The following CNTNAP2 variants were observed in gnomAD, a reference collection of about 807,000 sequenced individuals.
The protein encoded by CNTNAP2 is contactin-associated protein-like 2.
In CNTNAP2, 98 loss-of-function variants were observed where a neutral mutation model predicts 155.2. That is an observed-to-expected ratio of 0.63 (90% CI 0.54 to 0.75). CNTNAP2 has a LOEUF of 0.75. Among genes scored for constraint, CNTNAP2 ranks in the 30% least tolerant of loss-of-function variants. The pLI, the probability that CNTNAP2 is intolerant of heterozygous loss-of-function variation, is 0.00. For synonymous variants in CNTNAP2, 651 were observed against 631.2 expected, an observed-to-expected ratio of 1.03 and a Z score of -0.47; for missense variants, 1,727 against 1,688.1, an observed-to-expected ratio of 1.02 and a Z score of -0.40.
intron 1 of CNTNAP2, among the ~76,000 whole-genome samples, chr7:146,612,382 G>A (rs768502565): frequency 6.6e-6 from 1 of 152,052 alleles, no homozygotes; most frequent in Non-Finnish European, 1.5e-5. Context: ...TAAAAAGCTA[G>A]CATTTCAAGA....
At chr7:148,291,298 A>ATAT (rs1563028090) in intron 21 of CNTNAP2, among the ~76,000 whole-genome samples, 1 of 131,348 alleles carries the variant, frequency 7.6e-6, no homozygotes. Flanking sequence ...ATATATATAT[A>ATAT]ATATATATAT....
intron 20 of CNTNAP2, among the ~76,000 whole-genome samples, chr7:148,263,736 CAAA>C (rs112362809): frequency 2.8e-5 from 3 of 108,192 alleles, no homozygotes; most frequent in African/African-American, 3.1e-5. Context: ...GACTCAGTCC[CAAA>C]AAAAAAAAAA....
intron 13 of CNTNAP2, among the ~76,000 whole-genome samples, chr7:147,804,908 C>T (rs1798065896): frequency 6.6e-6 from 1 of 152,030 alleles, no homozygotes; most frequent in Admixed American, 6.6e-5. Context: ...CCACAGTTGC[C>T]TTTTTCTCTG....
Position 146,839,744 on chromosome 7 carries a change from A to G in CNTNAP2, c.242A>G (p.His81Arg). Residue 81 changes from histidine (H) to arginine (R), a missense_variant, in exon 3 of 24, where the codon CAT becomes CGT. By Grantham distance (29) the His-to-Arg change is conservative. Coordinates refer to ENST00000361727, the MANE Select transcript of CNTNAP2 (RefSeq NM_014141.6). ...GGATGGTCTCCATCAGACAGCGACC[A>G]TTATCAATGGCTTCAGGTTGACTTT... is the stretch of plus-strand genomic sequence containing the variant. ...AGGWSPSDSDHYQWLQVDFGN... is the reference protein window; with the variant it reads ...AGGWSPSDSDRYQWLQVDFGN... 4 of 1,614,226 alleles carry G rather than the reference A, an allele frequency of 2.5e-6. No homozygotes were observed. Among genetic ancestry groups the G allele is most frequent in the Non-Finnish European group, 3.4e-6 (4 of 1,180,038 alleles).
chr7:147,093,142 G>T (rs1800449150), intron 4 of CNTNAP2, among the ~76,000 whole-genome samples: 1 of 150,750 alleles, frequency 6.6e-6, no homozygotes. Context: ...TCAGGAGGCT[G>T]AGGCAGGAGA....
intron 22 of CNTNAP2, among the ~76,000 whole-genome samples, chr7:148,401,204 C>T (rs1296849691): frequency 4.6e-5 from 7 of 152,154 alleles, no homozygotes; most frequent in Admixed American, 4.6e-4. Context: ...ACCCTGAGAA[C>T]TACAGTAAGA....
chr7:146,192,216 C>T (rs556464719), intron 1 of CNTNAP2, among the ~76,000 whole-genome samples: 10 of 152,104 alleles, frequency 6.6e-5, no homozygotes, highest in Non-Finnish European at 1.5e-4. Flanking sequence ...TTATTTAGTA[C>T]GTTTAAAATA....
chr7:146,605,141 T>G (rs1478652807), intron 1 of CNTNAP2, among the ~76,000 whole-genome samples: 1 of 151,064 alleles, frequency 6.6e-6, no homozygotes. Flanking sequence ...TTACACTGTT[T>G]TTTAATAATT....
At chr7:147,186,371 A>C (rs1225917442) in intron 8 of CNTNAP2, among the ~76,000 whole-genome samples, 1 of 152,150 alleles carries the variant, frequency 6.6e-6, no homozygotes, top group Non-Finnish European at 1.5e-5. Context: ...GCCTCATATA[A>C]ATTATCTCAT....
chr7:147,816,636 G>GA (rs1204258545), intron 13 of CNTNAP2, among the ~76,000 whole-genome samples: 1 of 152,010 alleles, frequency 6.6e-6, no homozygotes, highest in East Asian at 1.9e-4. Context: ...TACTTGCTCT[G>GA]AAAATTGATA....
chr7:146,970,299 A>C (rs866930047), intron 3 of CNTNAP2, among the ~76,000 whole-genome samples: 3 of 152,052 alleles, frequency 2.0e-5, no homozygotes, highest in Non-Finnish European at 2.9e-5. Context: ...GAAAATTTTC[A>C]CAACCTACTC....
chr7:147,216,929 G>A (rs952379795), intron 8 of CNTNAP2, among the ~76,000 whole-genome samples: 2 of 151,724 alleles, frequency 1.3e-5, no homozygotes, highest in African/African-American at 4.8e-5. Flanking sequence ...TTTCATTTTT[G>A]GAGATGCTAA....
intron 12 of CNTNAP2, among the ~76,000 whole-genome samples, chr7:147,575,319 ATGTGTGTGTG>A (rs5888272): frequency 8.0e-6 from 1 of 124,292 alleles, no homozygotes; most frequent in Non-Finnish European, 1.6e-5. Context: ...GGGTATATAT[ATGTGTGTGTG>A]TGTGTGTGTG....
chr7:148,353,994 G>A (rs560282181), intron 21 of CNTNAP2, among the ~76,000 whole-genome samples: 9 of 152,206 alleles, frequency 5.9e-5, no homozygotes, highest in Admixed American at 1.3e-4. Flanking sequence ...CCTATACTGG[G>A]ACTAAAGTCT....
In CNTNAP2 at chr7:147,775,284, A is replaced by AATATATATATTTATATATATTTATAAAT. The variant is rs1563084420; in HGVS notation, c.2099-128244_2099-128217dup. ...AAATATATTTATATATATATTTATA[A>AATATATATATTTATATATATTTATAAAT]ATATATATATTTATATATATTTATA... is the stretch of plus-strand genomic sequence containing the variant. On this transcript the variant is annotated intron_variant, in intron 13 of 23. Transcript: ENST00000361727. Among the ~76,000 whole-genome samples, 156 of 81,024 alleles carry AATATATATATTTATATATATTTATAAAT rather than the reference A, an allele frequency of 1.9e-3. 10 individuals are homozygous for AATATATATATTTATATATATTTATAAAT. The highest frequency in any genetic ancestry group is 2.1e-3 in the Non-Finnish European group (94 of 45,384). 53.2% of individuals were successfully genotyped at this position (81,024 alleles called of 152,430 possible).
intron 5 of CNTNAP2, among the ~76,000 whole-genome samples, chr7:147,117,430 G>C (rs956188450): frequency 9.2e-5 from 14 of 152,114 alleles, no homozygotes; most frequent in Non-Finnish European, 1.3e-4. Context: ...TGGGTAGGCT[G>C]TAGCCCCATC....
intron 1 of CNTNAP2, among the ~76,000 whole-genome samples, chr7:146,771,434 C>T (rs1036399309): frequency 1.3e-5 from 2 of 152,106 alleles, no homozygotes; most frequent in African/African-American, 4.8e-5. Flanking sequence ...TCAAATGTAT[C>T]AGAAAGTAGG....
rs80069926 is a variant in CNTNAP2 at position 147,177,826 on chromosome 7, A to G, written c.1348+45317A>G. 8.0e-3 allele frequency among the ~76,000 whole-genome samples: 1,216 copies of G among 152,154 alleles called. 13 individuals are homozygous for G. Among genetic ancestry groups the G allele is most frequent in the African/African-American group, 0.028 (1,157 of 41,502 alleles). ...TCACGTAACTCTTACTTCAATTTCTAATATCCAAAAGCAATTATGTAGCAC... is the reference window on the plus strand; with the variant it reads ...TCACGTAACTCTTACTTCAATTTCTGATATCCAAAAGCAATTATGTAGCAC... On this transcript the variant is annotated intron_variant, in intron 8 of 23. Transcript: ENST00000361727.
At chr7:146,183,111 T>C (rs532174852) in intron 1 of CNTNAP2, among the ~76,000 whole-genome samples, 2 of 152,330 alleles carry the variant, frequency 1.3e-5, no homozygotes, top group South Asian at 2.1e-4. Flanking sequence ...AAAAGGCTTC[T>C]GTTTTCAAGA....
Sources: allele counts gnomAD v4.1 joint callset (sites outside exome capture counted in the v4.1 genomes callset), GRCh38; gene constraint gnomAD v4.1.1; transcripts MANE v1.5; gene names NCBI Gene and HGNC (gene_info 2026-07-23, HGNC 2026-07-21).